Variants in FLACC1 observed in about 807,000 individuals in gnomAD.
The protein encoded by FLACC1 is flagellum associated containing coiled-coil domains 1, also known as flagellum-associated coiled-coil domain-containing protein 1.
FLACC1 carries 66 observed loss-of-function variants against 62.8 expected under a neutral mutation model. The ratio of observed to expected loss-of-function variants is 1.05; its 90% CI spans 0.86 to 1.29. The LOEUF (loss-of-function observed/expected upper bound fraction) is 1.29, where lower values mean the gene tolerates loss of function less well. Ranked by LOEUF, FLACC1 falls within the 50% of genes most tolerant of loss-of-function variation. The pLI, the probability that FLACC1 is intolerant of heterozygous loss-of-function variation, is 0.00. For synonymous variants in FLACC1, 156 were observed against 161.0 expected, an observed-to-expected ratio of 0.97 and a Z score of 0.24; for missense variants, 452 against 489.1, an observed-to-expected ratio of 0.92 and a Z score of 0.71.
At position 201,346,674 on chromosome 2, in the gene FLACC1, T is replaced by A; in HGVS notation, c.236A>T (p.Glu79Val). The A allele has an allele frequency of 6.2e-7, 1 of 1,614,082 alleles. No homozygotes were observed. The highest frequency in any genetic ancestry group is 1.1e-5 in the South Asian group (1 of 91,088). ...ATAGCCAGGTGACACGTTGATCACTTCCTAGGCATCAAGGGAAAGTAAGAT... is the reference window on the plus strand; with the variant it reads ...ATAGCCAGGTGACACGTTGATCACTACCTAGGCATCAAGGGAAAGTAAGAT... The part of the protein sequence containing the change: ...RQEETNKSFY[E>V]VINVSPGYQL... Residue 79 changes from glutamate to valine, a missense_variant and splice_region_variant, in exon 5 of 15, where the codon GAA (glutamate) becomes GTA (valine). Glu to Val is a moderately radical substitution (Grantham distance 121). Around this residue, in one of 3 missense-constraint regions of FLACC1, gnomAD observed 147 missense variants for 152.7 expected, o/e 0.96. Coordinates refer to ENST00000392257, the MANE Select transcript of FLACC1 (RefSeq NM_001127391.3). This position sits in a 1 kb window ranked among gnomAD's most constrained non-coding sequence, Gnocchi z 4.0.
upstream of FLACC1, among the ~76,000 whole-genome samples, chr2:201,360,265 G>C (rs1191069251): frequency 1.3e-5 from 2 of 152,194 alleles, no homozygotes; most frequent in Admixed American, 1.3e-4. Context: ...TTGGAACAGA[G>C]GTGGAGGAGG....
chr2:201,342,547 C>CTGTGCCCCATGA, intron 6 of FLACC1, 116 bp from the exon 7 acceptor site: 3 of 976,298 alleles, frequency 3.1e-6, no homozygotes, highest in Non-Finnish European at 4.8e-6. Context: ...ATTCATGGGG[C>CTGTGCCCCATGA]ACAGCCCCCT....
chr2:201,328,582 T>C (rs1352340469), intron 9 of FLACC1, among the ~76,000 whole-genome samples: 1 of 152,124 alleles, frequency 6.6e-6, no homozygotes, highest in East Asian at 1.9e-4. Context: ...TGTGCCACCA[T>C]GTCCGACTAA....
chr2:201,358,411 ATTT>A (rs529458487), upstream of FLACC1, among the ~76,000 whole-genome samples: 2 of 120,422 alleles, frequency 1.7e-5, no homozygotes, highest in African/African-American at 3.3e-5. Flanking sequence ...TGCCCAGCTA[ATTT>A]TTTTTTTTTT....
chr2:201,360,511 A>T (rs373813601), upstream of FLACC1, among the ~76,000 whole-genome samples: 1 of 152,156 alleles, frequency 6.6e-6, no homozygotes, highest in South Asian at 2.1e-4. Flanking sequence ...TGTGGAAAAG[A>T]CAGTGTTCTC....
chr2:201,292,722 C>T (rs1453302533), intron 12 of FLACC1, among the ~76,000 whole-genome samples: 2 of 152,160 alleles, frequency 1.3e-5, no homozygotes, highest in African/African-American at 2.4e-5. Flanking sequence ...TTAAAAGACA[C>T]AGACTGGCAA....
At chr2:201,338,227 G>A (rs1187318775) in intron 7 of FLACC1, among the ~76,000 whole-genome samples, 1 of 152,156 alleles carries the variant, frequency 6.6e-6, no homozygotes, top group Non-Finnish European at 1.5e-5. Context: ...GTACAGAAAT[G>A]CAACTGATAT....
chr2:201,316,812 A>G (rs1230271741), intron 9 of FLACC1, among the ~76,000 whole-genome samples: 1 of 152,186 alleles, frequency 6.6e-6, no homozygotes, highest in Non-Finnish European at 1.5e-5. Context: ...TTAACAAAAT[A>G]CTGGCTAACT....
In FLACC1 at chr2:201,326,251, G is replaced by A. The variant is rs1266901263; in HGVS notation, c.675+4219C>T. Among the ~76,000 whole-genome samples, 1 of 152,128 alleles carries A rather than the reference G, an allele frequency of 6.6e-6. No homozygotes were observed. The highest frequency in any genetic ancestry group is 2.4e-5 in the African/African-American group (1 of 41,422). On this transcript the variant is annotated intron_variant, in intron 9 of 14. Transcript: ENST00000392257. This position sits in a 1 kb window ranked among gnomAD's most constrained non-coding sequence, Gnocchi z 4.1. The stretch of plus-strand genomic sequence containing the variant: ...TTGAAAGCATTCCCCTTGAGAACCG[G>A]AACAAGACAAGATGGCCACCTTCAC...
chr2:201,360,166 G>A (rs1951173090), upstream of FLACC1, among the ~76,000 whole-genome samples: 1 of 152,186 alleles, frequency 6.6e-6, no homozygotes, highest in South Asian at 2.1e-4. Flanking sequence ...GGTGTTTAGG[G>A]GCTAAGTGTT....
chr2:201,337,661 C>T, intron 7 of FLACC1, among the ~76,000 whole-genome samples: 1 of 152,068 alleles, frequency 6.6e-6, no homozygotes, highest in Admixed American at 6.6e-5. Context: ...GTAGCTAGGA[C>T]TCCAGGCACA....
chr2:201,342,335 T>A, intron 7 of FLACC1, 35 bp downstream of exon 7: 1 of 1,611,514 alleles, frequency 6.2e-7, no homozygotes, highest in Non-Finnish European at 8.5e-7. Flanking sequence ...CTTAGAGCCA[T>A]CAACACACAC....
chr2:201,328,788 T>C (rs1242682374), intron 9 of FLACC1, among the ~76,000 whole-genome samples: 1 of 152,256 alleles, frequency 6.6e-6, no homozygotes, highest in African/African-American at 2.4e-5. Flanking sequence ...AAAGATTTGA[T>C]AAGTTAAAAA....
Position 201,326,860 on chromosome 2 carries a change from A to G in FLACC1, c.675+3610T>C, listed in dbSNP as rs1950508569. Among the ~76,000 whole-genome samples, 1 of 152,198 alleles carries G rather than the reference A, an allele frequency of 6.6e-6. No homozygotes were observed. Among genetic ancestry groups the G allele is most frequent in the East Asian group, 1.9e-4 (1 of 5,192 alleles). ...TATGGAACCAAAAAAGAGCCAGAAT[A>G]GCCAAAGCAATACTAAGCAAAAAGA... On this transcript the variant is annotated intron_variant, in intron 9 of 14. Coordinates refer to ENST00000392257, the MANE Select transcript of FLACC1 (RefSeq NM_001127391.3). This position sits in a 1 kb window ranked among gnomAD's most constrained non-coding sequence, Gnocchi z 4.1.
chr2:201,328,088 A>C (rs772380935), intron 9 of FLACC1, among the ~76,000 whole-genome samples: 3 of 152,222 alleles, frequency 2.0e-5, no homozygotes, highest in Non-Finnish European at 2.9e-5. Flanking sequence ...TGTCACTTAA[A>C]AGTGGGAGCT....
chr2:201,352,485 G>A (rs1035200827), intron 1 of FLACC1, among the ~76,000 whole-genome samples: 3 of 152,148 alleles, frequency 2.0e-5, no homozygotes, highest in Non-Finnish European at 4.4e-5. Context: ...AGTTCCACAA[G>A]AGCAAGAAAA....
At chr2:201,343,624 G>C (rs937667481) in intron 6 of FLACC1, among the ~76,000 whole-genome samples, 1 of 152,192 alleles carries the variant, frequency 6.6e-6, no homozygotes, top group Non-Finnish European at 1.5e-5. Flanking sequence ...GTCACTCCAG[G>C]CCAGGCCAAC....
chr2:201,292,276 G>C (rs1436196756), intron 12 of FLACC1, among the ~76,000 whole-genome samples: 1 of 152,194 alleles, frequency 6.6e-6, no homozygotes, highest in Admixed American at 6.5e-5. Flanking sequence ...CAGCCAGAGA[G>C]AAAGCTCGGG....
intron 6 of FLACC1, among the ~76,000 whole-genome samples, chr2:201,343,681 T>C (rs574748197): frequency 6.6e-6 from 1 of 152,304 alleles, no homozygotes; most frequent in Non-Finnish European, 1.5e-5. Flanking sequence ...ATGAAACAGA[T>C]GGTAAAAGCT....
Sources: gnomAD v4.1 joint callset for allele counts (sites outside exome capture counted in the v4.1 genomes callset) on GRCh38, gnomAD v4.1.1 for gene constraint, gnomAD v4.1.1 regional missense constraint, Gnocchi (gnomAD v3.1) non-coding constraint, MANE v1.5 for transcripts, NCBI Gene and HGNC (gene_info 2026-07-23, HGNC 2026-07-21) for gene names.